Variants in PSG5 observed in about 807,000 individuals in gnomAD.
The protein encoded by PSG5 is pregnancy specific beta-1-glycoprotein 5.
PSG5 carries 53 observed loss-of-function variants against 37.7 expected under a neutral mutation model. The observed-to-expected ratio is 1.41, with a 90% CI of 1.13 to 1.77. PSG5 has a LOEUF of 1.77. Ranked by LOEUF, PSG5 falls within the 40% of genes most tolerant of loss-of-function variation. The pLI is 0.00. For synonymous variants in PSG5, 221 were observed against 155.4 expected (o/e 1.42, Z -3.14); for missense variants, 547 against 405.2 (o/e 1.35, Z -3.00).
intron 3 of PSG5, 33 bp downstream of exon 3, chr19:43,175,837 G>T: frequency 6.2e-7 from 1 of 1,609,922 alleles, no homozygotes; most frequent in Admixed American, 1.7e-5. Context: ...TTAAGCTGGT[G>T]TCCTGGCCCA....
intron 2 of PSG5, 102 bp from the exon 3 acceptor site, chr19:43,176,250 G>A: frequency 6.5e-7 from 1 of 1,540,986 alleles, no homozygotes; most frequent in East Asian, 2.3e-5. Flanking sequence ...CAACCCACCA[G>A]AGTCCTTGAA....
At chr19:43,181,342 A>T (rs1297576579) in intron 2 of PSG5, among the ~76,000 whole-genome samples, 1 of 151,688 alleles carries the variant, frequency 6.6e-6, no homozygotes, top group African/African-American at 2.4e-5. Flanking sequence ...CCCCACTCTT[A>T]TTGAACTTTC....
Position 43,183,595 on chromosome 19 carries a change from C to T in PSG5, c.430+1187G>A, listed in dbSNP as rs1371621275. The T allele has an allele frequency of 1.0e-4, 41 of 391,846 alleles. 1 individual carries two copies. The highest frequency in any genetic ancestry group is 4.6e-4 in the South Asian group (24 of 51,810). 24.3% of individuals were successfully genotyped at this position (391,846 alleles called of 1,614,324 possible). On this transcript the variant is annotated intron_variant, in intron 2 of 5. Coordinates refer to ENST00000342951, the MANE Select transcript of PSG5 (RefSeq NM_002781.4). ...TTAAGATCTGAGGGGGAGGCCTGGA[C>T]ATATTTTTTGCACTGACTCTGACGG...
At chr19:43,175,057 T>G (rs3950949) in intron 4 of PSG5, 158 bp downstream of exon 4, 1 of 1,546,734 alleles carries the variant, frequency 6.5e-7, no homozygotes, top group Non-Finnish European at 8.7e-7. Flanking sequence ...AGAAGAGAGT[T>G]TGTAGAGACA....
intron 4 of PSG5, chr19:43,174,597 G>T (rs556511568): frequency 1.0e-5 from 10 of 968,132 alleles, no homozygotes; most frequent in Middle Eastern, 5.3e-4. Flanking sequence ...CCTGCAGCCT[G>T]GCCCGGGGGA....
chr19:43,176,063 C>G lies in PSG5; in HGVS notation c.516G>C (p.Lys172Asn). The G allele has an allele frequency of 6.2e-7, 1 of 1,609,580 alleles. No individual in the cohort carries two copies. Among genetic ancestry groups the G allele is most frequent in the South Asian group, 1.1e-5 (1 of 90,922 alleles). The part of the protein sequence containing the change: ...KDVLAFTCEP[K>N]SENYTYIWWL... ...ACCAAATGTAGGTGTAGTTCTCACT[C>G]TTAGGTTCACAGGTGAAGGCTAAGA... The change falls in exon 3 of 6, where the codon AAG (lysine) becomes AAC (asparagine). Residue 172 changes from lysine (K) to asparagine (N), a missense_variant. Coordinates refer to ENST00000342951, the MANE Select transcript of PSG5 (RefSeq NM_002781.4).
intron 1 of PSG5, among the ~76,000 whole-genome samples, chr19:43,185,715 C>G (rs1157000498): frequency 1.3e-5 from 2 of 151,724 alleles, no homozygotes; most frequent in African/African-American, 4.9e-5. Context: ...TGAGAGTTCT[C>G]AGGGCCCTCC....
At position 43,184,885 on chromosome 19, in the gene PSG5, G is replaced by C. The variant is rs768887425; in HGVS notation, c.327C>G (p.Ile109Met). 1.9e-6 allele frequency: 3 copies of C among 1,612,476 alleles called. No homozygotes were observed. Among genetic ancestry groups the C allele is most frequent in the African/African-American group, 2.7e-5 (2 of 74,512 alleles). The part of the protein sequence containing the change: ...ETVYSNASLL[I>M]QNVTREDAGS... ...CTGCGTCTTCCCGGGTGACATTCTGGATCAGCAGGGATGCATTGGAATATA... is the reference window on the plus strand; with the variant it reads ...CTGCGTCTTCCCGGGTGACATTCTGCATCAGCAGGGATGCATTGGAATATA... Residue 109 changes from isoleucine (I) to methionine (M), a missense_variant, in exon 2 of 6, where the codon ATC (isoleucine) becomes ATG (methionine). Physicochemically the swap from Ile to Met is conservative, Grantham distance 10. Coordinates refer to ENST00000342951, the MANE Select transcript of PSG5 (RefSeq NM_002781.4).
intron 2 of PSG5, among the ~76,000 whole-genome samples, chr19:43,177,971 T>A (rs1171861697): frequency 6.6e-6 from 1 of 151,724 alleles, no homozygotes; most frequent in Non-Finnish European, 1.5e-5. Context: ...ATTTTATTCC[T>A]TCTGATGTTA....
intron 4 of PSG5, among the ~76,000 whole-genome samples, chr19:43,172,201 T>A (rs1968921711): frequency 6.6e-6 from 1 of 151,520 alleles, no homozygotes; most frequent in African/African-American, 2.4e-5. Flanking sequence ...AATTCAATAT[T>A]TTTTCATAAT....
chr19:43,180,314 T>C (rs565403753), intron 2 of PSG5: 1 of 151,738 alleles, frequency 6.6e-6, no homozygotes, highest in South Asian at 2.1e-4. Context: ...GATACAGTGC[T>C]CCTTATGCAG....
At chr19:43,176,707 T>A (rs1463522219) in intron 2 of PSG5, among the ~76,000 whole-genome samples, 1 of 150,516 alleles carries the variant, frequency 6.6e-6, no homozygotes, top group Non-Finnish European at 1.5e-5. Flanking sequence ...TGGAGGTCAG[T>A]TCAGTCATCA....
chr19:43,180,895 A>T (rs1969113937), intron 2 of PSG5, among the ~76,000 whole-genome samples: 1 of 151,592 alleles, frequency 6.6e-6, no homozygotes, highest in Non-Finnish European at 1.5e-5. Context: ...GATGTGTGTT[A>T]TGTTAGTAAA....
intron 2 of PSG5, among the ~76,000 whole-genome samples, chr19:43,176,633 G>C (rs1003343295): frequency 1.3e-5 from 2 of 151,246 alleles, no homozygotes; most frequent in East Asian, 1.9e-4. Context: ...TGAAGATACT[G>C]AGCAGTCTGG....
chr19:43,171,806 A>G (rs56142358), intron 4 of PSG5, among the ~76,000 whole-genome samples: 29,986 of 150,820 alleles, frequency 0.2, 3,723 homozygotes, highest in Non-Finnish European at 0.26. Context: ...TGTCTCTACA[A>G]AAATATAAAA....
chr19:43,175,234 G>A lies in PSG5; in HGVS notation c.945C>T (p.Ser315=). 1 of 1,612,704 alleles carries A rather than the reference G, an allele frequency of 6.2e-7. No homozygotes were observed. Among genetic ancestry groups the A allele is most frequent in the Non-Finnish European group, 8.5e-7 (1 of 1,179,172 alleles). Residue 315 remains serine (S), a synonymous_variant, in exon 4 of 6, where the codon TCC becomes TCT. Coordinates refer to ENST00000342951, the MANE Select transcript of PSG5 (RefSeq NM_002781.4). ...ACTTACCAGAGACTTCGACTGTCAT[G>A]GATTTGGAGCTTTCCTTGCCAGTAG... ...NSATGKESSK[S]MTVEVSAPSG...
rs777232114 is a variant in PSG5, at chr19:43,175,418, C to T, written c.761G>A (p.Gly254Glu). 2 of 1,612,724 alleles carry T rather than the reference C, an allele frequency of 1.2e-6. No individual in the cohort carries two copies. Among genetic ancestry groups the T allele is most frequent in the African/African-American group, 1.3e-5 (1 of 74,694 alleles). The change falls in exon 4 of 6, where the codon GGA (glycine) becomes GAA (glutamate). Residue 254 changes from glycine to glutamate, a missense_variant. Gly to Glu is a moderately conservative substitution (Grantham distance 98). Transcript: ENST00000342951. ...GAAGCAGGACAAGTAGAGGTTTTCTCCTGAACGGTAATAGGTGAATGAAGG... is the reference window on the plus strand; with the variant it reads ...GAAGCAGGACAAGTAGAGGTTTTCTTCTGAACGGTAATAGGTGAATGAAGG... ...IYPSFTYYRS[G>E]ENLYLSCFAE...
chr19:43,170,147 G>A lies in PSG5; in HGVS notation c.965-9C>T. On this transcript the variant is annotated splice_polypyrimidine_tract_variant and intron_variant, in intron 4 of 5. Coordinates refer to ENST00000342951, the MANE Select transcript of PSG5 (RefSeq NM_002781.4). ...TCCTATTCCTGAAGGAGCTGTCATGGAAAGAAAAGTAAAGAAGGAATGAAG... is the reference window on the plus strand; with the variant it reads ...TCCTATTCCTGAAGGAGCTGTCATGAAAAGAAAAGTAAAGAAGGAATGAAG... 6.3e-7 allele frequency: 1 copy of A among 1,578,396 alleles called. No individual in the cohort carries two copies. The highest frequency in any genetic ancestry group is 8.7e-7 in the Non-Finnish European group (1 of 1,153,432).
chr19:43,178,915 C>T (rs1468406757), intron 2 of PSG5: 1 of 1,612,880 alleles, frequency 6.2e-7, no homozygotes, highest in African/African-American at 1.3e-5. Context: ...CTGTGGCTGG[C>T]ACTCACTGGG....
Sources: allele counts gnomAD v4.1 joint callset (sites outside exome capture counted in the v4.1 genomes callset), GRCh38; gene constraint gnomAD v4.1.1; transcripts MANE v1.5; gene names NCBI Gene and HGNC (gene_info 2026-07-23, HGNC 2026-07-21).